ERICH1: variants seen among roughly 807,000 people sequenced by gnomAD.
The protein encoded by ERICH1 is glutamate rich 1.
ERICH1 carries 56 observed loss-of-function variants against 39.6 expected under a neutral mutation model. The ratio of observed to expected loss-of-function variants is 1.41; its 90% CI spans 1.14 to 1.77. ERICH1 has a LOEUF of 1.77. Among genes scored for constraint, ERICH1 ranks in the 40% most tolerant of loss-of-function variants. The pLI is 0.00. For synonymous variants in ERICH1, 313 were observed against 223.6 expected (o/e 1.40, Z -3.57); for missense variants, 826 against 575.4 (o/e 1.44, Z -4.45).
chr8:721,434 C>A (rs1817281763), intron 1 of ERICH1, among the ~76,000 whole-genome samples: 1 of 152,236 alleles, frequency 6.6e-6, no homozygotes, highest in African/African-American at 2.4e-5. Context: ...GGAGAGACCT[C>A]ACGGACACGG....
At position 715,927 on chromosome 8, in the gene ERICH1, C is replaced by T. The variant is rs369573218; in HGVS notation, c.103G>A (p.Val35Ile). The T allele has an allele frequency of 1.4e-4, 225 of 1,613,730 alleles. No homozygotes were observed. The highest frequency in any genetic ancestry group is 2.0e-4 in the East Asian group (9 of 44,860). ...GTCACTTTCTTTGGTGGATTTTGGACGGCCAGCGTCTGGGGTTCCCTCTTT... is the reference window on the plus strand; with the variant it reads ...GTCACTTTCTTTGGTGGATTTTGGATGGCCAGCGTCTGGGGTTCCCTCTTT... Reference protein sequence around the residue: ...QGKREPQTLAVQNPPKKVTSE... With the variant: ...QGKREPQTLAIQNPPKKVTSE... The change falls in exon 2 of 6, where the codon GTC becomes ATC. Residue 35 changes from valine to isoleucine, a missense_variant. By Grantham distance (29) the Val-to-Ile change is conservative (BLOSUM62 3). Coordinates refer to ENST00000262109, the MANE Select transcript of ERICH1 (RefSeq NM_207332.3).
chr8:629,495 CGCTA>C (rs1563166636), intron 3 of ERICH1, among the ~76,000 whole-genome samples: 150 of 148,880 alleles, frequency 1.0e-3, no homozygotes, highest in Middle Eastern at 3.5e-3. Context: ...CTGACTCACA[CGCTA>C]CTGTGACCAC....
intron 3 of ERICH1, among the ~76,000 whole-genome samples, chr8:639,651 G>T (rs534898359): frequency 1.4e-5 from 2 of 147,144 alleles, no homozygotes; most frequent in South Asian, 4.6e-4. Context: ...CAAGCACCCT[G>T]GATTCACAGG....
chr8:706,042 T>C (rs905058615), intron 2 of ERICH1, among the ~76,000 whole-genome samples: 11 of 152,252 alleles, frequency 7.2e-5, no homozygotes, highest in Admixed American at 1.3e-4. Context: ...GGTGTTACAG[T>C]TGCCACTGTC....
chr8:731,056 G>A (rs1819879047), intron 1 of ERICH1, 84 bp downstream of exon 1: 4 of 1,349,018 alleles, frequency 3.0e-6, no homozygotes, highest in Non-Finnish European at 3.8e-6. Flanking sequence ...AAGGGGCCGG[G>A]GTCGGGGTCC....
chr8:633,149 C>G (rs955488059), intron 3 of ERICH1, among the ~76,000 whole-genome samples: 1 of 152,156 alleles, frequency 6.6e-6, no homozygotes, highest in East Asian at 1.9e-4. Flanking sequence ...CAGACGGAAA[C>G]CAGTGTGGAG....
At chr8:720,178 C>A (rs116930398) in intron 1 of ERICH1, among the ~76,000 whole-genome samples, 27 of 152,180 alleles carry the variant, frequency 1.8e-4, no homozygotes, top group Non-Finnish European at 2.9e-4. Flanking sequence ...TCCTGGACAC[C>A]CTCAAAGACA....
chr8:691,857 C>T (rs1808975742), intron 3 of ERICH1, among the ~76,000 whole-genome samples: 1 of 152,080 alleles, frequency 6.6e-6, no homozygotes, highest in South Asian at 2.1e-4. Flanking sequence ...ACTCTAAATT[C>T]CTCTTGTGCA....
chr8:625,480 T>C (rs548383087), intron 3 of ERICH1, among the ~76,000 whole-genome samples: 1 of 152,110 alleles, frequency 6.6e-6, no homozygotes, highest in East Asian at 1.9e-4. Flanking sequence ...GTACGGGGTC[T>C]GGGTGCATGG....
At chr8:686,740 G>GCAA (rs764492976) in intron 3 of ERICH1, 4 of 151,974 alleles carry the variant, frequency 2.6e-5, no homozygotes, top group Non-Finnish European at 5.9e-5. Context: ...AGGCAGCTGA[G>GCAA]CAACAGGTCT....
At chr8:618,662 T>C (rs1247719747) in intron 3 of ERICH1, among the ~76,000 whole-genome samples, 3 of 152,276 alleles carry the variant, frequency 2.0e-5, no homozygotes, top group Non-Finnish European at 4.4e-5. Context: ...CAGGCTGTGG[T>C]TGAGACTAAC....
intron 5 of ERICH1, 62 bp from the exon 6 acceptor site, chr8:664,738 A>G (rs1801933275): frequency 2.1e-6 from 3 of 1,400,920 alleles, no homozygotes; most frequent in African/African-American, 2.9e-5. Context: ...ATCATAAGTT[A>G]TTATTATGTA....
chr8:725,327 C>G (rs770093277), intron 1 of ERICH1: 1 of 153,980 alleles, frequency 6.5e-6, no homozygotes, highest in Admixed American at 6.5e-5. Context: ...GCTTGTGACT[C>G]CATCAGAACC....
At chr8:719,394 G>A (rs1816773031) in intron 1 of ERICH1, among the ~76,000 whole-genome samples, 1 of 152,204 alleles carries the variant, frequency 6.6e-6, no homozygotes, top group Non-Finnish European at 1.5e-5. Flanking sequence ...GTGTTCTCAG[G>A]GTGACACTGA....
At chr8:624,003 C>T (rs1393571240) in intron 3 of ERICH1, among the ~76,000 whole-genome samples, 1 of 152,098 alleles carries the variant, frequency 6.6e-6, no homozygotes, top group Admixed American at 6.6e-5. Context: ...TATATCTAAT[C>T]TAACGAGGGA....
rs751688643 is a variant in ERICH1, at chr8:711,024, T to G, written c.169+4837A>C. 1.7e-4 allele frequency among the ~76,000 whole-genome samples: 26 copies of G among 152,334 alleles called. 1 individual carries two copies. Among genetic ancestry groups the G allele is most frequent in the African/African-American group, 4.3e-4 (18 of 41,570 alleles). On this transcript the variant is annotated intron_variant, in intron 2 of 5. Coordinates refer to ENST00000262109, the MANE Select transcript of ERICH1 (RefSeq NM_207332.3). ...GTCCTTGTTCCTCCAGCATTTGGTGTTGTTAGTGTTCTGGATTTTGTCCAT... is the reference window on the plus strand; with the variant it reads ...GTCCTTGTTCCTCCAGCATTTGGTGGTGTTAGTGTTCTGGATTTTGTCCAT...
At chr8:720,673 T>G (rs928278067) in intron 1 of ERICH1, among the ~76,000 whole-genome samples, 9 of 152,186 alleles carry the variant, frequency 5.9e-5, no homozygotes, top group Non-Finnish European at 1.3e-4. Context: ...AATTCAAACT[T>G]GAGCACGGTC....
chr8:726,888 C>T (rs57394577), intron 1 of ERICH1, among the ~76,000 whole-genome samples: 34,110 of 119,690 alleles, frequency 0.28, 4,325 homozygotes, highest in Middle Eastern at 0.41. Context: ...CACATGTACA[C>T]ACACATCCCA....
At chr8:622,954 C>CTAAATAAATAAA (rs1490314226) in intron 3 of ERICH1, among the ~76,000 whole-genome samples, 1 of 60,992 alleles carries the variant, frequency 1.6e-5, no homozygotes, top group Non-Finnish European at 2.9e-5. Flanking sequence ...GAGATCCGCT[C>CTAAATAAATAAA]TCAATAAATA....
Sources: gnomAD v4.1 joint callset for allele counts (sites outside exome capture counted in the v4.1 genomes callset) on GRCh38, gnomAD v4.1.1 for gene constraint, MANE v1.5 for transcripts, NCBI Gene and HGNC (gene_info 2026-07-23, HGNC 2026-07-21) for gene names.